Variants in AATF observed in about 807,000 individuals in gnomAD.
AATF encodes the protein apoptosis antagonizing transcription factor, also known as protein AATF.
AATF carries 48 observed loss-of-function variants against 63.7 expected under a neutral mutation model. That is an observed-to-expected ratio of 0.75 (90% CI 0.60 to 0.96). AATF has a LOEUF of 0.96. Ranked by LOEUF, AATF falls within the 40% of genes least tolerant of loss-of-function variation. The pLI is 0.00. For synonymous variants in AATF, 258 were observed against 247.7 expected (o/e 1.04, Z -0.39); for missense variants, 639 against 685.7 (o/e 0.93, Z 0.76).
chr17:36,952,894 A>T lies in AATF; in HGVS notation c.292A>T (p.Ile98Leu), dbSNP rs777726198. Residue 98 changes from isoleucine (I) to leucine (L), a missense_variant, in exon 3 of 12, where the codon ATA becomes TTA. By Grantham distance (5) the Ile-to-Leu change is conservative. Transcript: ENST00000619387. ...CCCTCTCTTCTTTGTAGATGAGGAAATATCTGATGAGGAAGGGTCTGGAGA... is the reference window on the plus strand; with the variant it reads ...CCCTCTCTTCTTTGTAGATGAGGAATTATCTGATGAGGAAGGGTCTGGAGA... The part of the protein sequence containing the change: ...QTLPGSSDEE[I>L]SDEEGSGDED... The T allele has an allele frequency of 6.2e-7, 1 of 1,612,012 alleles. No individual in the cohort carries two copies. The highest frequency in any genetic ancestry group is 1.1e-5 in the South Asian group (1 of 91,042).
chr17:37,011,922 T>C (rs962853527), intron 8 of AATF, among the ~76,000 whole-genome samples: 10 of 152,104 alleles, frequency 6.6e-5, no homozygotes, highest in Non-Finnish European at 1.5e-4. Flanking sequence ...GGGGAATAGG[T>C]CATTTTGTGC....
chr17:37,037,234 C>G (rs2071601058), intron 11 of AATF, among the ~76,000 whole-genome samples: 1 of 151,372 alleles, frequency 6.6e-6, no homozygotes, highest in Admixed American at 6.6e-5. Context: ...CCAGGATGGT[C>G]TGGATCTCTT....
chr17:37,041,514 C>CT (rs1019654775), intron 11 of AATF, among the ~76,000 whole-genome samples: 70 of 150,862 alleles, frequency 4.6e-4, no homozygotes, highest in South Asian at 1.5e-3. Flanking sequence ...TTTTCTTTTT[C>CT]TTTTTTTTTG....
intron 8 of AATF, among the ~76,000 whole-genome samples, chr17:37,003,141 C>G (rs2071314884): frequency 6.6e-6 from 1 of 152,076 alleles, no homozygotes; most frequent in Non-Finnish European, 1.5e-5. Flanking sequence ...GGAAGTTAAC[C>G]TTTACATTTA....
intron 4 of AATF, among the ~76,000 whole-genome samples, chr17:36,977,549 G>A (rs2142233097): frequency 6.6e-6 from 1 of 151,884 alleles, no homozygotes; most frequent in South Asian, 2.1e-4. Context: ...TTGGATTGTG[G>A]TTCTAATTTT....
chr17:36,968,893 G>A (rs1399662990), intron 4 of AATF, among the ~76,000 whole-genome samples: 6 of 152,248 alleles, frequency 3.9e-5, no homozygotes, highest in South Asian at 2.1e-4. Context: ...CTCCCAAAGC[G>A]CTGACATTAC....
At chr17:36,971,673 G>A (rs1053931028) in intron 4 of AATF, among the ~76,000 whole-genome samples, 2 of 152,126 alleles carry the variant, frequency 1.3e-5, no homozygotes, top group East Asian at 3.8e-4. Flanking sequence ...ACTGGAAACA[G>A]CCCAAATGTC....
rs549270109 is a variant in AATF at position 37,047,600 on chromosome 17, A to G, written c.1620-9001A>G. On this transcript the variant is annotated intron_variant, in intron 11 of 11. Transcript: ENST00000619387. ...CTTGAGTCTGTCTGATCTTTAGGGG[A>G]CAGGCCAGAGGCCGTGTGTCACCAT... Among the ~76,000 whole-genome samples, 23 of 152,256 alleles carry G rather than the reference A, an allele frequency of 1.5e-4. 1 individual carries two copies. The highest frequency in any genetic ancestry group is 5.3e-4 in the African/African-American group (22 of 41,522).
At chr17:37,020,144 T>C (rs1038765853) in intron 9 of AATF, among the ~76,000 whole-genome samples, 1 of 152,194 alleles carries the variant, frequency 6.6e-6, no homozygotes, top group Non-Finnish European at 1.5e-5. Context: ...ATATCCCTTA[T>C]TGAAAAATTA....
chr17:37,045,787 C>T (rs2071684741), intron 11 of AATF: 1 of 152,242 alleles, frequency 6.6e-6, no homozygotes, highest in South Asian at 2.1e-4. Flanking sequence ...CTGAGGTAAT[C>T]AAACTGCTGA....
intron 8 of AATF, among the ~76,000 whole-genome samples, chr17:37,018,205 G>A (rs1464515324): frequency 6.6e-6 from 1 of 152,156 alleles, no homozygotes. Flanking sequence ...CTTCGCCCAA[G>A]GACTTTAAGA....
chr17:36,982,816 A>G (rs184470239), intron 4 of AATF, among the ~76,000 whole-genome samples: 2 of 152,048 alleles, frequency 1.3e-5, no homozygotes, highest in Non-Finnish European at 2.9e-5. Flanking sequence ...CATGATCCCA[A>G]ACTGAAACTC....
rs765216865 is a variant in AATF at position 36,953,244 on chromosome 17, T to A, written c.642T>A (p.Ser214Arg). ...EDDGVVMTFS[S>R]VKVSEEVEKG... ...ATGGTGTGGTGATGACCTTCTCTAG[T>A]GTCAAAGTTTCTGAGGAAGTGGAGA... is the stretch of plus-strand genomic sequence containing the variant. The change falls in exon 3 of 12, where the codon AGT (serine) becomes AGA (arginine). Residue 214 changes from serine to arginine, a missense_variant. By Grantham distance (110) the Ser-to-Arg change is moderately radical. Coordinates refer to ENST00000619387, the MANE Select transcript of AATF (RefSeq NM_012138.4). 1.1e-5 allele frequency: 18 copies of A among 1,614,040 alleles called. No homozygotes were observed. In the East Asian group the frequency reaches 3.8e-4, roughly 34 times the overall value.
chr17:36,961,981 A>G lies in AATF; in HGVS notation c.832+8074A>G, dbSNP rs538457228. Among the ~76,000 whole-genome samples the G allele has an allele frequency of 1.3e-3, 197 of 151,996 alleles. 2 individuals carry two copies. Among genetic ancestry groups the G allele is most frequent in the African/African-American group, 4.7e-3 (194 of 41,478 alleles). ...TGAGCCACGGTGCTGGGCCTTGTAC[A>G]TTGTTTTTTTAAAAAGGCTTTTGGA... On this transcript the variant is annotated intron_variant, in intron 4 of 11. Transcript: ENST00000619387.
chr17:36,988,799 G>A, intron 6 of AATF, 79 bp downstream of exon 6: 1 of 1,363,544 alleles, frequency 7.3e-7, no homozygotes, highest in South Asian at 1.3e-5. Flanking sequence ...TGGAACTACA[G>A]CTCATTTATA....
intron 10 of AATF, among the ~76,000 whole-genome samples, chr17:37,029,814 C>A (rs913780666): frequency 1.3e-5 from 2 of 151,806 alleles, no homozygotes; most frequent in Non-Finnish European, 2.9e-5. Context: ...GATCTGCCCC[C>A]CCTCAGCCTC....
At chr17:36,984,762 A>G (rs1233069635) in intron 4 of AATF, among the ~76,000 whole-genome samples, 1 of 151,814 alleles carries the variant, frequency 6.6e-6, no homozygotes, top group Non-Finnish European at 1.5e-5. Flanking sequence ...CAGCCTCCCA[A>G]GTAGTTGGGA....
At chr17:36,968,983 T>TTTG (rs1033097411) in intron 4 of AATF, among the ~76,000 whole-genome samples, 1 of 152,240 alleles carries the variant, frequency 6.6e-6, no homozygotes, top group Non-Finnish European at 1.5e-5. Context: ...AGCTGCTTTT[T>TTTG]TTGTTGTTGT....
intron 10 of AATF, among the ~76,000 whole-genome samples, chr17:37,022,515 A>G (rs2142290962): frequency 6.6e-6 from 1 of 151,210 alleles, no homozygotes; most frequent in East Asian, 2.0e-4. Context: ...TTAAATTGTT[A>G]TAATTTCTTT....
Sources: allele counts gnomAD v4.1 joint callset (sites outside exome capture counted in the v4.1 genomes callset), GRCh38; gene constraint gnomAD v4.1.1; transcripts MANE v1.5; gene names NCBI Gene and HGNC (gene_info 2026-07-23, HGNC 2026-07-21).